SFT2D2: variants seen among roughly 807,000 people sequenced by gnomAD.
The protein encoded by SFT2D2 is vesicle transport protein SFT2B.
In SFT2D2, 21 loss-of-function variants were observed where a neutral mutation model predicts 27.4. The ratio of observed to expected loss-of-function variants is 0.77; its 90% CI spans 0.54 to 1.10. The LOEUF is 1.10. Among genes scored for constraint, SFT2D2 ranks in the 50% least tolerant of loss-of-function variants. The probability of loss-of-function intolerance (pLI) is 0.00; values close to 1 mark genes in which losing one functional copy is unlikely to be tolerated. For synonymous variants in SFT2D2, 72 were observed against 71.7 expected (o/e 1.00, Z -0.02); for missense variants, 187 against 194.2 (o/e 0.96, Z 0.22).
intron 7 of SFT2D2, among the ~76,000 whole-genome samples, chr1:168,240,030 C>T (rs1647605311): frequency 1.3e-5 from 2 of 151,946 alleles, no homozygotes; most frequent in South Asian, 4.2e-4. Flanking sequence ...AAAATATTAG[C>T]TGGGCGTGGT....
At chr1:168,227,689 A>G (rs1700475656) in intron 1 of SFT2D2, among the ~76,000 whole-genome samples, 1 of 152,108 alleles carries the variant, frequency 6.6e-6, no homozygotes, top group African/African-American at 2.4e-5. Flanking sequence ...GACCGGGCCT[A>G]AGAAAGGTCT....
Position 168,231,675 on chromosome 1 carries a change from T to G in SFT2D2, c.150+75T>G, listed in dbSNP as rs1418250122. On this transcript the variant is annotated intron_variant, in intron 2 of 7. Coordinates refer to ENST00000271375, the MANE Select transcript of SFT2D2 (RefSeq NM_199344.3). ...TATATTCCCCCTTTTGTCCACCTCC[T>G]TTCCCCTTTTGCCCTTCACTAAAAT... The G allele has an allele frequency of 1.8e-5, 27 of 1,518,500 alleles. 1 individual carries two copies. In the South Asian group the frequency reaches 2.9e-4, roughly 16 times the overall value. 94.1% of individuals were successfully genotyped at this position (1,518,500 alleles called of 1,614,324 possible). A position where few individuals can be genotyped will look rare whatever the true frequency, so the allele number is the denominator to read the frequency against.
chr1:168,228,408 A>G (rs1358908469), intron 1 of SFT2D2, among the ~76,000 whole-genome samples: 2 of 152,180 alleles, frequency 1.3e-5, no homozygotes, highest in African/African-American at 4.8e-5. Context: ...CTTTAATGCA[A>G]ACCATAAAGG....
At chr1:168,228,985 C>T (rs1411002355) in intron 1 of SFT2D2, among the ~76,000 whole-genome samples, 1 of 152,194 alleles carries the variant, frequency 6.6e-6, no homozygotes, top group Admixed American at 6.5e-5. Context: ...CAACAGCTTC[C>T]TCCTTCCCTG....
intron 1 of SFT2D2, among the ~76,000 whole-genome samples, chr1:168,227,160 T>C (rs1435022642): frequency 1.3e-5 from 2 of 152,212 alleles, no homozygotes; most frequent in Non-Finnish European, 2.9e-5. Context: ...TGGCCACTAA[T>C]GTCCTATGTT....
chr1:168,226,235 G>A, intron 1 of SFT2D2, 93 bp downstream of exon 1: 2 of 1,145,888 alleles, frequency 1.7e-6, no homozygotes, highest in Non-Finnish European at 2.4e-6. Context: ...ACTCCCTGGA[G>A]TTTCTGGACG....
chr1:168,242,673 C>A lies in SFT2D2; in HGVS notation c.*133C>A. The A allele has an allele frequency of 1.8e-6, 2 of 1,104,058 alleles. No homozygotes were observed. Among genetic ancestry groups the A allele is most frequent in the Non-Finnish European group, 2.8e-6 (2 of 725,892 alleles). The allele number at this position is 1,104,058 out of a possible 1,614,324, so 68.4% of individuals were successfully genotyped here. A position where few individuals can be genotyped will look rare whatever the true frequency, so the allele number is the denominator to read the frequency against. On this transcript the variant is annotated 3_prime_UTR_variant, in exon 8 of 8. Transcript: ENST00000271375. ...TTGCAGCAATGTGTTGCTTGTGATT[C>A]GAACATTTGAGGGTTACTTTTGGAA...
intron 1 of SFT2D2, among the ~76,000 whole-genome samples, chr1:168,227,759 C>T (rs542153237): frequency 9.9e-5 from 15 of 152,260 alleles, no homozygotes; most frequent in Non-Finnish European, 2.2e-4. Flanking sequence ...TGTCAACAAG[C>T]CTTTATGAAC....
chr1:168,247,084 G>T lies in SFT2D2; in HGVS notation c.*4544G>T. 2.6e-6 allele frequency: 1 copy of T among 388,234 alleles called. No homozygotes were observed. The highest frequency in any genetic ancestry group is 5.1e-6 in the Non-Finnish European group (1 of 195,484). 24.0% of individuals were successfully genotyped at this position (388,234 alleles called of 1,614,324 possible). A position where few individuals can be genotyped will look rare whatever the true frequency, so the allele number is the denominator to read the frequency against. ...ATTCTGTGATATTTCTTTTTTTTCA[G>T]ATAGTCTCTTTTGTAGTACACTAGT... On this transcript the variant is annotated 3_prime_UTR_variant, in exon 8 of 8. Transcript: ENST00000271375.
rs1647944009 is a variant in SFT2D2 at position 168,251,248 on chromosome 1, G to A, written c.*8708G>A. 6.6e-6 allele frequency: 1 copy of A among 152,106 alleles called. No individual in the cohort carries two copies. The highest frequency in any genetic ancestry group is 2.4e-5 in the African/African-American group (1 of 41,408). 9.4% of individuals were successfully genotyped at this position (152,106 alleles called of 1,614,324 possible). A position where few individuals can be genotyped will look rare whatever the true frequency, so the allele number is the denominator to read the frequency against. ...CAAGAATTGCTTGAACCCAGGAGGTGGAAGTTCAGTGAGCCGAGATCGCAC... is the reference window on the plus strand; with the variant it reads ...CAAGAATTGCTTGAACCCAGGAGGTAGAAGTTCAGTGAGCCGAGATCGCAC... On this transcript the variant is annotated 3_prime_UTR_variant, in exon 8 of 8. Transcript: ENST00000271375.
intron 1 of SFT2D2, chr1:168,229,813 T>G (rs1277945389): frequency 1.3e-5 from 2 of 152,222 alleles, no homozygotes; most frequent in Non-Finnish European, 2.9e-5. Flanking sequence ...GTAGCCTGAC[T>G]AGATTGTCTG....
intron 7 of SFT2D2, among the ~76,000 whole-genome samples, chr1:168,239,903 C>T (rs923951466): frequency 6.0e-5 from 9 of 151,144 alleles, no homozygotes; most frequent in Non-Finnish European, 1.0e-4. Flanking sequence ...GGGCCAGGTG[C>T]AGTGGCTCAC....
intron 4 of SFT2D2, 129 bp downstream of exon 4, chr1:168,235,311 A>G (rs572676302): frequency 4.8e-5 from 42 of 875,952 alleles, no homozygotes; most frequent in East Asian, 1.7e-4. Context: ...CCCTATTCCT[A>G]TAACCATGTG....
intron 4 of SFT2D2, among the ~76,000 whole-genome samples, chr1:168,235,735 C>G (rs1647475158): frequency 1.3e-5 from 2 of 152,140 alleles, no homozygotes; most frequent in South Asian, 4.1e-4. Context: ...TTCCATTGAC[C>G]CTAAATGCCT....
chr1:168,233,918 G>A (rs1233683926), intron 3 of SFT2D2, among the ~76,000 whole-genome samples: 3 of 152,218 alleles, frequency 2.0e-5, no homozygotes, highest in African/African-American at 7.2e-5. Context: ...ATTCGGTGTA[G>A]GTTAAAGAAG....
At chr1:168,238,713 T>A (rs954413021) in intron 6 of SFT2D2, among the ~76,000 whole-genome samples, 94 of 151,412 alleles carry the variant, frequency 6.2e-4, no homozygotes, top group African/African-American at 2.1e-3. Flanking sequence ...AAAAAATAAA[T>A]AAATAAATAA....
chr1:168,232,697 T>A (rs977610495), intron 3 of SFT2D2, among the ~76,000 whole-genome samples: 12 of 152,216 alleles, frequency 7.9e-5, no homozygotes, highest in African/African-American at 2.9e-4. Flanking sequence ...CTGACTTGCA[T>A]GCTCAATGGG....
At chr1:168,231,418 C>A in intron 1 of SFT2D2, 96 bp from the exon 2 acceptor site, 1 of 1,029,008 alleles carries the variant, frequency 9.7e-7, no homozygotes, top group South Asian at 1.4e-5. Flanking sequence ...TCCTTGCCTT[C>A]CCTAATACAA....
intron 1 of SFT2D2, among the ~76,000 whole-genome samples, chr1:168,228,136 G>C (rs1700480278): frequency 6.6e-6 from 1 of 152,188 alleles, no homozygotes; most frequent in South Asian, 2.1e-4. Context: ...CACTTCCAGA[G>C]TCTTGAATTC....
Sources: gnomAD v4.1 joint callset for allele counts (sites outside exome capture counted in the v4.1 genomes callset) on GRCh38, gnomAD v4.1.1 for gene constraint, MANE v1.5 for transcripts, NCBI Gene and HGNC (gene_info 2026-07-23, HGNC 2026-07-21) for gene names.